Variants in SGCZ observed in about 807,000 individuals in gnomAD.
The protein encoded by SGCZ is sarcoglycan zeta.
In SGCZ, 40 loss-of-function variants were observed where a neutral mutation model predicts 41.3. The observed-to-expected ratio is 0.97, with a 90% CI of 0.75 to 1.26. SGCZ has a LOEUF of 1.26. Ranked by LOEUF, SGCZ falls within the 50% of genes most tolerant of loss-of-function variation. SGCZ has a pLI of 0.00. For missense variants in SGCZ, 552 were observed against 369.8 expected (o/e 1.49, Z -4.04); for synonymous variants, 206 against 137.5 (o/e 1.50, Z -3.49).
chr8:15,072,871 A>G (rs1236646987), intron 1 of SGCZ, among the ~76,000 whole-genome samples: 2 of 151,994 alleles, frequency 1.3e-5, no homozygotes, highest in Non-Finnish European at 2.9e-5. Flanking sequence ...GCAACATACG[A>G]CTCTTAGAAG....
intron 1 of SGCZ, among the ~76,000 whole-genome samples, chr8:14,643,472 T>C (rs1013631742): frequency 1.6e-4 from 24 of 151,474 alleles, no homozygotes; most frequent in African/African-American, 5.8e-4. Flanking sequence ...GGTAGAGTTT[T>C]ATAAACATAA....
At chr8:15,009,314 G>A (rs567642166) in intron 1 of SGCZ, among the ~76,000 whole-genome samples, 3 of 152,190 alleles carry the variant, frequency 2.0e-5, no homozygotes, top group Non-Finnish European at 2.9e-5. Context: ...ACCAGATCTC[G>A]TGAGAACTCA....
chr8:14,976,778 A>G (rs1180337651), intron 1 of SGCZ, among the ~76,000 whole-genome samples: 2 of 152,210 alleles, frequency 1.3e-5, no homozygotes, highest in African/African-American at 4.8e-5. Context: ...CCTACTCTAC[A>G]ATTCATGAAT....
At chr8:14,711,121 G>C (rs137884200) in intron 1 of SGCZ, among the ~76,000 whole-genome samples, 6 of 152,262 alleles carry the variant, frequency 3.9e-5, no homozygotes, top group African/African-American at 1.2e-4. Context: ...AAGTATGCCT[G>C]ACACAGCACT....
At chr8:14,364,601 G>C (rs116122745) in intron 2 of SGCZ, among the ~76,000 whole-genome samples, 3,108 of 151,848 alleles carry the variant, frequency 0.02, 90 homozygotes, top group African/African-American at 0.058. Context: ...CTATTTATCT[G>C]ACCACTTGAG....
intron 1 of SGCZ, among the ~76,000 whole-genome samples, chr8:14,855,038 T>C (rs1003568556): frequency 6.6e-6 from 1 of 151,278 alleles, no homozygotes; most frequent in Non-Finnish European, 1.5e-5. Flanking sequence ...TTCCTAGGCA[T>C]CTCCATTATT....
chr8:14,280,697 AT>A (rs1350885227), intron 3 of SGCZ, among the ~76,000 whole-genome samples: 2 of 151,784 alleles, frequency 1.3e-5, no homozygotes, highest in African/African-American at 2.4e-5. Context: ...GAGAAAAATA[AT>A]TTTTGGAAAA....
intron 1 of SGCZ, among the ~76,000 whole-genome samples, chr8:14,993,819 C>G (rs1033339610): frequency 6.6e-6 from 1 of 152,108 alleles, no homozygotes; most frequent in Non-Finnish European, 1.5e-5. Flanking sequence ...GATTTATGGG[C>G]CTCTGTTGGG....
chr8:14,207,794 T>C (rs908528426), intron 4 of SGCZ, among the ~76,000 whole-genome samples: 101 of 152,170 alleles, frequency 6.6e-4, no homozygotes, highest in African/African-American at 2.4e-3. Context: ...TATAAACTCA[T>C]GAAGGGCAGG....
At chr8:14,960,901 G>A (rs1205040842) in intron 1 of SGCZ, among the ~76,000 whole-genome samples, 1 of 148,486 alleles carries the variant, frequency 6.7e-6, no homozygotes, top group Non-Finnish European at 1.5e-5. Flanking sequence ...AAAAGCACAA[G>A]GAATATTATC....
intron 5 of SGCZ, among the ~76,000 whole-genome samples, chr8:14,152,870 C>G (rs138699319): frequency 1.3e-5 from 2 of 152,030 alleles, no homozygotes; most frequent in African/African-American, 2.4e-5. Context: ...TTGATATATA[C>G]GACAACTTGG....
At chr8:14,617,958 T>C (rs1162975287) in intron 1 of SGCZ, among the ~76,000 whole-genome samples, 1 of 152,068 alleles carries the variant, frequency 6.6e-6, no homozygotes, top group African/African-American at 2.4e-5. Context: ...AAAATAGATA[T>C]TATTTCCCTG....
At chr8:14,598,619 C>A (rs1051304516) in intron 1 of SGCZ, among the ~76,000 whole-genome samples, 1 of 151,930 alleles carries the variant, frequency 6.6e-6, no homozygotes, top group Non-Finnish European at 1.5e-5. Context: ...ACTCGACCCC[C>A]CCGGGCTCAA....
At chr8:14,701,322 C>A (rs1042098477) in intron 1 of SGCZ, among the ~76,000 whole-genome samples, 3 of 151,822 alleles carry the variant, frequency 2.0e-5, no homozygotes, top group African/African-American at 7.3e-5. Context: ...AAAAATAAAC[C>A]ATACTTTTAT....
chr8:14,756,710 A>G (rs747628657), intron 1 of SGCZ, among the ~76,000 whole-genome samples: 11 of 152,364 alleles, frequency 7.2e-5, no homozygotes, highest in Non-Finnish European at 1.0e-4. Flanking sequence ...TGGTGATAAA[A>G]TACATATTTT....
intron 2 of SGCZ, among the ~76,000 whole-genome samples, chr8:14,385,999 G>A (rs911634855): frequency 3.9e-5 from 6 of 151,926 alleles, no homozygotes; most frequent in African/African-American, 7.3e-5. Flanking sequence ...TATGTAAATC[G>A]CTGTTATACT....
intron 2 of SGCZ, among the ~76,000 whole-genome samples, chr8:14,356,113 A>C (rs1803284895): frequency 6.6e-6 from 1 of 152,208 alleles, no homozygotes; most frequent in South Asian, 2.1e-4. Context: ...AGAGTGGACA[A>C]GCAATGCTGT....
At chr8:15,176,294 C>A (rs1005423486) in intron 1 of SGCZ, among the ~76,000 whole-genome samples, 16 of 151,920 alleles carry the variant, frequency 1.1e-4, no homozygotes, top group Admixed American at 4.6e-4. Flanking sequence ...GTTCCTTTAG[C>A]CATAGGATTT....
chr8:15,106,120 T>C (rs1236063532), intron 1 of SGCZ, among the ~76,000 whole-genome samples: 1 of 152,156 alleles, frequency 6.6e-6, no homozygotes, highest in African/African-American at 2.4e-5. Context: ...ACCCTTCTTT[T>C]AAAAATATTC....
Sources: allele counts gnomAD v4.1 joint callset (sites outside exome capture counted in the v4.1 genomes callset), GRCh38; gene constraint gnomAD v4.1.1; transcripts MANE v1.5; gene names NCBI Gene and HGNC (gene_info 2026-07-23, HGNC 2026-07-21).